Variants in SDCCAG8 observed in about 807,000 individuals in gnomAD.
The protein encoded by SDCCAG8 is SHH signaling and ciliogenesis regulator SDCCAG8.
A neutral mutation model predicts 101.8 loss-of-function variants in SDCCAG8; 74 were observed. The ratio of observed to expected loss-of-function variants is 0.73; its 90% CI spans 0.60 to 0.88. The LOEUF (loss-of-function observed/expected upper bound fraction) is 0.88, where lower values mean the gene tolerates loss of function less well. SDCCAG8 is among the 40% of genes least tolerant of loss of function. The probability of loss-of-function intolerance (pLI) is 0.00; values close to 1 mark genes in which losing one functional copy is unlikely to be tolerated. For missense variants in SDCCAG8, 787 were observed against 822.6 expected, an observed-to-expected ratio of 0.96 and a Z score of 0.53; for synonymous variants, 281 against 292.9, an observed-to-expected ratio of 0.96 and a Z score of 0.41.
In SDCCAG8 at chr1:243,448,098, G is replaced by A. The variant is rs1278235262; in HGVS notation, c.1985+21540G>A. The stretch of plus-strand genomic sequence containing the variant: ...TCATGGGTTGGGAGAGCTGCTCATG[G>A]CTGTAGCTGCTGCAGGCACCCGCAT... On this transcript the variant is annotated intron_variant, in intron 16 of 17. Coordinates refer to ENST00000366541, the MANE Select transcript of SDCCAG8 (RefSeq NM_006642.5). 5.3e-5 allele frequency among the ~76,000 whole-genome samples: 8 copies of A among 152,170 alleles called. No individual in the cohort carries two copies. The East Asian group carries it at 1.5e-3, about 29-fold the overall frequency.
rs376122851 is a variant in SDCCAG8 at position 243,296,380 on chromosome 1, C to A, written c.675+3161C>A. 1.4e-4 allele frequency among the ~76,000 whole-genome samples: 21 copies of A among 152,224 alleles called. No homozygotes were observed. In the East Asian group the frequency reaches 1.5e-3, roughly 11 times the overall value. ...AAATATATTCTCCTGACCCTACATTCACTTCCAACTATCACCCTACATCTA... is the reference window on the plus strand; with the variant it reads ...AAATATATTCTCCTGACCCTACATTAACTTCCAACTATCACCCTACATCTA... On this transcript the variant is annotated intron_variant, in intron 6 of 17. Transcript: ENST00000366541.
At chr1:243,302,375 G>A (rs1287695928) in intron 6 of SDCCAG8, among the ~76,000 whole-genome samples, 4 of 152,302 alleles carry the variant, frequency 2.6e-5, no homozygotes, top group African/African-American at 9.6e-5. Context: ...ACATTTATTA[G>A]TAAGGAAGAG....
chr1:243,459,260 A>G (rs905123005), intron 16 of SDCCAG8, among the ~76,000 whole-genome samples: 2 of 152,198 alleles, frequency 1.3e-5, no homozygotes, highest in Non-Finnish European at 2.9e-5. Flanking sequence ...AAGTGTGGCC[A>G]CAGCTGCACA....
chr1:243,259,868 C>T (rs2067071556), intron 1 of SDCCAG8, among the ~76,000 whole-genome samples: 1 of 151,754 alleles, frequency 6.6e-6, no homozygotes, highest in African/African-American at 2.4e-5. Flanking sequence ...ATATTTTCCT[C>T]ATTTCTTTAA....
At chr1:243,375,651 T>G (rs2077558097) in intron 12 of SDCCAG8, among the ~76,000 whole-genome samples, 1 of 152,154 alleles carries the variant, frequency 6.6e-6, no homozygotes, top group South Asian at 2.1e-4. Context: ...GATGGCCACA[T>G]CAAACTGCAC....
chr1:243,287,234 G>C (rs1005831457), intron 5 of SDCCAG8, among the ~76,000 whole-genome samples: 4 of 152,184 alleles, frequency 2.6e-5, no homozygotes, highest in Admixed American at 1.3e-4. Context: ...GTCACAGCTT[G>C]TTCTGCTTTT....
At chr1:243,475,391 G>A (rs1249462511) in intron 16 of SDCCAG8, among the ~76,000 whole-genome samples, 4 of 152,198 alleles carry the variant, frequency 2.6e-5, no homozygotes, top group Non-Finnish European at 4.4e-5. Context: ...GGTGTGAGGG[G>A]TGAGGGGCCA....
At chr1:243,419,419 A>C (rs1229460073) in intron 15 of SDCCAG8, among the ~76,000 whole-genome samples, 1 of 152,212 alleles carries the variant, frequency 6.6e-6, no homozygotes, top group East Asian at 1.9e-4. Context: ...GCAAACAAAC[A>C]AGATTGTATC....
Position 243,275,009 on chromosome 1 carries a change from C to T in SDCCAG8, c.420+353C>T, listed in dbSNP as rs116266369. Among the ~76,000 whole-genome samples the T allele has an allele frequency of 3.1e-4, 47 of 152,348 alleles. 1 individual carries two copies. The highest frequency in any genetic ancestry group is 1.1e-3 in the African/African-American group (44 of 41,580). On this transcript the variant is annotated intron_variant, in intron 4 of 17. Transcript: ENST00000366541. ...CCAATCATTCTCCCATACTTGTCAA[C>T]CTACTGGAGCAGTGGTACAGCAATC...
chr1:243,395,981 G>T (rs1480206646), intron 13 of SDCCAG8, among the ~76,000 whole-genome samples: 1 of 151,990 alleles, frequency 6.6e-6, no homozygotes, highest in Non-Finnish European at 1.5e-5. Flanking sequence ...AAATATAAAA[G>T]CAGCCTTATG....
chr1:243,354,805 A>C (rs2076292478), intron 12 of SDCCAG8, among the ~76,000 whole-genome samples: 1 of 152,234 alleles, frequency 6.6e-6, no homozygotes, highest in South Asian at 2.1e-4. Flanking sequence ...GATCATCTTA[A>C]GATTTTGCTC....
intron 16 of SDCCAG8, among the ~76,000 whole-genome samples, chr1:243,486,065 C>T (rs1387670471): frequency 6.6e-6 from 1 of 151,462 alleles, no homozygotes; most frequent in Non-Finnish European, 1.5e-5. Flanking sequence ...GCCGTTGTGG[C>T]ACATGCCTGT....
intron 13 of SDCCAG8, among the ~76,000 whole-genome samples, chr1:243,390,414 T>C (rs905532396): frequency 6.6e-6 from 1 of 152,194 alleles, no homozygotes; most frequent in Non-Finnish European, 1.5e-5. Context: ...GAAAAGGCAT[T>C]TCATTTTGCT....
At chr1:243,256,378 C>T in intron 1 of SDCCAG8, 138 bp downstream of exon 1, 1 of 720,984 alleles carries the variant, frequency 1.4e-6, no homozygotes, top group Non-Finnish European at 2.5e-6. Flanking sequence ...TTGCTGTGGT[C>T]TTGAGGAGGA....
At chr1:243,426,691 CTTTAT>C (rs1336752969) in intron 16 of SDCCAG8, 133 bp downstream of exon 16, 9 of 1,100,870 alleles carry the variant, frequency 8.2e-6, no homozygotes, top group African/African-American at 6.3e-5. Flanking sequence ...AAATCTAATA[CTTTAT>C]TTTATGTATT....
chr1:243,325,219 G>T (rs978043204), intron 9 of SDCCAG8, among the ~76,000 whole-genome samples: 10 of 152,096 alleles, frequency 6.6e-5, no homozygotes, highest in Non-Finnish European at 7.4e-5. Flanking sequence ...TGTGAAATTT[G>T]TAATTAATTT....
chr1:243,371,528 G>T (rs1300105089), intron 12 of SDCCAG8, among the ~76,000 whole-genome samples: 1 of 152,102 alleles, frequency 6.6e-6, no homozygotes, highest in East Asian at 1.9e-4. Flanking sequence ...GTGATAGCTG[G>T]TATCAGTGTT....
At chr1:243,367,072 T>G (rs1485836707) in intron 12 of SDCCAG8, among the ~76,000 whole-genome samples, 2 of 152,070 alleles carry the variant, frequency 1.3e-5, no homozygotes, top group African/African-American at 4.8e-5. Flanking sequence ...TTTTTCTCAG[T>G]TGGCAAAAAA....
intron 16 of SDCCAG8, among the ~76,000 whole-genome samples, chr1:243,438,704 A>G (rs185015614): frequency 2.4e-3 from 372 of 152,308 alleles, no homozygotes; most frequent in Non-Finnish European, 4.0e-3. Flanking sequence ...AACAAGGGAA[A>G]GACATTTCTG....
Sources: allele counts gnomAD v4.1 joint callset (sites outside exome capture counted in the v4.1 genomes callset), GRCh38; gene constraint gnomAD v4.1.1; transcripts MANE v1.5; gene names NCBI Gene and HGNC (gene_info 2026-07-23, HGNC 2026-07-21).